Variants in NETO2 observed in about 807,000 individuals in gnomAD.
NETO2 encodes the protein neuropilin and tolloid like 2, also known as neuropilin and tolloid-like protein 2.
In NETO2, 28 loss-of-function variants were observed where a neutral mutation model predicts 62.5. That is an observed-to-expected ratio of 0.45 (90% confidence interval 0.33 to 0.61). The LOEUF is 0.61. NETO2 is among the 20% of genes least tolerant of loss of function. NETO2 has a pLI of 0.02. For missense variants in NETO2, 548 were observed against 643.2 expected (o/e 0.85, Z 1.60); for synonymous variants, 214 against 219.1 (o/e 0.98, Z 0.21).
chr16:47,137,538 T>C (rs984667022), intron 1 of NETO2, among the ~76,000 whole-genome samples: 13 of 152,316 alleles, frequency 8.5e-5, no homozygotes, highest in African/African-American at 2.4e-4. Flanking sequence ...AACGTTGAAC[T>C]TGAGGTGAAG....
intron 7 of NETO2, among the ~76,000 whole-genome samples, chr16:47,098,547 T>G (rs891772338): frequency 9.2e-5 from 14 of 151,976 alleles, no homozygotes; most frequent in African/African-American, 3.1e-4. Context: ...CAAACCTACG[T>G]TTGACTGGTG....
chr16:47,097,027 G>C (rs920562050), intron 7 of NETO2, among the ~76,000 whole-genome samples: 1 of 152,184 alleles, frequency 6.6e-6, no homozygotes, highest in African/African-American at 2.4e-5. Flanking sequence ...TTCACAACCC[G>C]CAGACCAGGA....
chr16:47,104,767 T>G (rs1214077572), intron 7 of NETO2, among the ~76,000 whole-genome samples: 1 of 152,222 alleles, frequency 6.6e-6, no homozygotes, highest in Non-Finnish European at 1.5e-5. Flanking sequence ...TTGCCCAGGC[T>G]GGAGTGCAGT....
intron 7 of NETO2, among the ~76,000 whole-genome samples, chr16:47,094,104 C>T (rs1170768442): frequency 1.3e-5 from 2 of 152,096 alleles, no homozygotes; most frequent in Admixed American, 1.3e-4. Context: ...GGCTAACCAG[C>T]CCTGCCCAAA....
chr16:47,094,988 T>G (rs761024705), intron 7 of NETO2, among the ~76,000 whole-genome samples: 2 of 152,160 alleles, frequency 1.3e-5, no homozygotes, highest in African/African-American at 2.4e-5. Flanking sequence ...GAATTACATG[T>G]ATGAGCCGCT....
chr16:47,084,564 T>C (rs1297733287), intron 8 of NETO2, among the ~76,000 whole-genome samples: 2 of 152,256 alleles, frequency 1.3e-5, no homozygotes, highest in East Asian at 3.8e-4. Context: ...AATGGATTAT[T>C]ATTAGTGTGC....
At chr16:47,126,685 G>A (rs939799335) in intron 4 of NETO2, among the ~76,000 whole-genome samples, 2 of 152,116 alleles carry the variant, frequency 1.3e-5, no homozygotes, top group Non-Finnish European at 2.9e-5. Flanking sequence ...CACCACTCTC[G>A]TGCAAGATGC....
At chr16:47,105,914 G>A (rs1035727622) in intron 7 of NETO2, among the ~76,000 whole-genome samples, 4 of 152,126 alleles carry the variant, frequency 2.6e-5, no homozygotes, top group African/African-American at 4.8e-5. Context: ...AAAGTTTGCC[G>A]GTTCCTCAAA....
At chr16:47,103,521 G>A (rs572469095) in intron 7 of NETO2, among the ~76,000 whole-genome samples, 92 of 152,182 alleles carry the variant, frequency 6.0e-4, no homozygotes, top group Middle Eastern at 3.4e-3. Context: ...TATGAGGCCA[G>A]AACTAGTTAC....
intron 6 of NETO2, among the ~76,000 whole-genome samples, chr16:47,110,579 C>T (rs951855755): frequency 6.6e-6 from 1 of 152,098 alleles, no homozygotes; most frequent in Non-Finnish European, 1.5e-5. Context: ...TTCCATGAAG[C>T]GCTTTACATA....
Position 47,128,295 on chromosome 16 carries a change from C to T in NETO2, c.481+30G>A, listed in dbSNP as rs1964195918. Reference sequence around the variant, plus strand: ...AAAATCAGAGTTAGAGTGAGATGCCCAACCACTTAAAAGATAACTTATTCT... The same window carrying T: ...AAAATCAGAGTTAGAGTGAGATGCCTAACCACTTAAAAGATAACTTATTCT... On this transcript the variant is annotated intron_variant, in intron 4 of 8. Coordinates refer to ENST00000562435, the MANE Select transcript of NETO2 (RefSeq NM_018092.5). 2.5e-6 allele frequency: 4 copies of T among 1,598,148 alleles called. No individual in the cohort carries two copies. In the African/African-American group the frequency reaches 4.0e-5, roughly 16 times the overall value.
At chr16:47,122,152 A>G (rs552728626) in intron 6 of NETO2, among the ~76,000 whole-genome samples, 1 of 152,360 alleles carries the variant, frequency 6.6e-6, no homozygotes, top group South Asian at 2.1e-4. Context: ...AGAGTTATTT[A>G]AAAACATCCT....
rs759413653 is a variant in NETO2, at chr16:47,081,264, T to C, written c.*1957A>G. On this transcript the variant is annotated 3_prime_UTR_variant, in exon 9 of 9. Coordinates refer to ENST00000562435, the MANE Select transcript of NETO2 (RefSeq NM_018092.5). ...AGTTGTTGTTATATTAAGTATTTAT[T>C]ATGCTGTTCAAATGTTAGCTGGTGT... 3 of 152,174 alleles carry C rather than the reference T, an allele frequency of 2.0e-5. No individual in the cohort carries two copies. Among genetic ancestry groups the C allele is most frequent in the Non-Finnish European group, 2.9e-5 (2 of 67,980 alleles). The allele number at this position is 152,174 out of a possible 1,614,324, so 9.4% of individuals were successfully genotyped here.
At chr16:47,122,595 A>G in intron 6 of NETO2, 62 bp downstream of exon 6, 1 of 1,563,730 alleles carries the variant, frequency 6.4e-7, no homozygotes, top group African/African-American at 1.4e-5. Context: ...AAAATTACAC[A>G]TTTTGCAAAT....
chr16:47,110,365 T>C (rs1038215697), intron 6 of NETO2, among the ~76,000 whole-genome samples: 3 of 152,220 alleles, frequency 2.0e-5, no homozygotes, highest in African/African-American at 7.2e-5. Flanking sequence ...TATAGCTAAA[T>C]GGTTCTAAGT....
intron 6 of NETO2, among the ~76,000 whole-genome samples, chr16:47,111,706 C>T (rs1021716674): frequency 6.6e-5 from 10 of 152,128 alleles, no homozygotes; most frequent in African/African-American, 9.7e-5. Context: ...CTGGGTAGGC[C>T]GGTCTGCTCT....
intron 8 of NETO2, 61 bp from the exon 9 acceptor site, chr16:47,083,862 A>G: frequency 7.8e-7 from 1 of 1,280,636 alleles, no homozygotes. Flanking sequence ...ATCCTGGTAC[A>G]AATTAGTAAG....
rs1362478969 is a variant in NETO2, at chr16:47,143,657, G to A, written c.-45C>T. The A allele has an allele frequency of 2.9e-5, 35 of 1,218,764 alleles. No individual in the cohort carries two copies. In the Admixed American group the frequency reaches 7.4e-4, roughly 26 times the overall value. The allele number at this position is 1,218,764 out of a possible 1,614,324, so 75.5% of individuals were successfully genotyped here. A position where few individuals can be genotyped will look rare whatever the true frequency, so the allele number is the denominator to read the frequency against. On this transcript the variant is annotated 5_prime_UTR_variant, in exon 1 of 9. Coordinates refer to ENST00000562435, the MANE Select transcript of NETO2 (RefSeq NM_018092.5). ...CTTCGCGAAGGGCTGAGGTAGCGGC[G>A]GCGGTGGCTCGGCGCTCACGGCTCG...
chr16:47,141,374 T>C (rs554486031), intron 1 of NETO2, among the ~76,000 whole-genome samples: 1 of 152,168 alleles, frequency 6.6e-6, no homozygotes, highest in Non-Finnish European at 1.5e-5. Context: ...AATGAGTAGT[T>C]TGTAATGGGA....
Sources: allele counts gnomAD v4.1 joint callset (sites outside exome capture counted in the v4.1 genomes callset), GRCh38; gene constraint gnomAD v4.1.1; transcripts MANE v1.5; gene names NCBI Gene and HGNC (gene_info 2026-07-23, HGNC 2026-07-21).